The following SRBD1 variants were observed in gnomAD, a reference collection of about 807,000 sequenced individuals.
SRBD1 encodes the protein S1 RNA-binding domain-containing protein 1.
In SRBD1, 88 loss-of-function variants were observed where a neutral mutation model predicts 115.3. That is an observed-to-expected ratio of 0.76 (90% CI 0.64 to 0.91). SRBD1 has a LOEUF of 0.91. SRBD1 is among the 40% of genes least tolerant of loss of function. SRBD1 has a pLI of 0.00. For missense variants in SRBD1, 1,385 were observed against 1,177.4 expected, an observed-to-expected ratio of 1.18 and a Z score of -2.58; for synonymous variants, 509 against 407.7, an observed-to-expected ratio of 1.25 and a Z score of -2.99.
chr2:45,413,983 G>C (rs1304516331), intron 18 of SRBD1, among the ~76,000 whole-genome samples: 1 of 151,940 alleles, frequency 6.6e-6, no homozygotes, highest in Non-Finnish European at 1.5e-5. Context: ...ACATATCATG[G>C]ATAAACTTTA....
At chr2:45,545,233 T>C (rs561681127) in intron 14 of SRBD1, among the ~76,000 whole-genome samples, 34 of 140,334 alleles carry the variant, frequency 2.4e-4, no homozygotes, top group East Asian at 8.5e-4. Context: ...TGAGCCAAGA[T>C]TGTGCCACTG....
At chr2:45,564,810 C>T (rs1672776433) in intron 9 of SRBD1, among the ~76,000 whole-genome samples, 2 of 151,986 alleles carry the variant, frequency 1.3e-5, no homozygotes, top group Admixed American at 1.3e-4. Flanking sequence ...GATCTGAAAC[C>T]CACGCATAAG....
chr2:45,398,681 C>T (rs1018689843), intron 19 of SRBD1, among the ~76,000 whole-genome samples: 6 of 151,992 alleles, frequency 3.9e-5, no homozygotes, highest in South Asian at 2.1e-4. Flanking sequence ...TAAAAAGTCC[C>T]GAGATAGAAA....
intron 14 of SRBD1, among the ~76,000 whole-genome samples, chr2:45,512,714 A>T (rs563299156): frequency 6.6e-6 from 1 of 152,290 alleles, no homozygotes; most frequent in East Asian, 1.9e-4. Context: ...GGAACTACAA[A>T]GTTAAATTTT....
At chr2:45,595,054 A>G (rs907329448) in intron 4 of SRBD1, among the ~76,000 whole-genome samples, 3 of 152,234 alleles carry the variant, frequency 2.0e-5, no homozygotes, top group African/African-American at 7.2e-5. Flanking sequence ...TGCTTAATTC[A>G]TTAGAACACT....
intron 12 of SRBD1, among the ~76,000 whole-genome samples, chr2:45,550,611 A>G (rs1672266354): frequency 6.6e-6 from 1 of 152,180 alleles, no homozygotes; most frequent in Non-Finnish European, 1.5e-5. Flanking sequence ...GTTTTCAGAC[A>G]AACTAAAACT....
At chr2:45,401,562 G>A (rs1330684516) in intron 19 of SRBD1, among the ~76,000 whole-genome samples, 1 of 152,128 alleles carries the variant, frequency 6.6e-6, no homozygotes, top group Non-Finnish European at 1.5e-5. Context: ...AATCTCTTAG[G>A]TCTGTTTACC....
intron 14 of SRBD1, among the ~76,000 whole-genome samples, chr2:45,514,981 G>T (rs1384725404): frequency 1.3e-5 from 2 of 152,048 alleles, no homozygotes; most frequent in Non-Finnish European, 2.9e-5. Flanking sequence ...TTTAATCACT[G>T]GATGTCACTT....
chr2:45,553,935 A>G (rs543871640), intron 10 of SRBD1, among the ~76,000 whole-genome samples: 22 of 152,322 alleles, frequency 1.4e-4, no homozygotes, highest in African/African-American at 5.1e-4. Flanking sequence ...CCTAGTAACT[A>G]TCTATGGTCA....
At chr2:45,476,607 A>G (rs73925677) in intron 16 of SRBD1, among the ~76,000 whole-genome samples, 7,506 of 152,246 alleles carry the variant, frequency 0.049, 562 homozygotes, top group African/African-American at 0.16. Flanking sequence ...CTAATCACAC[A>G]TAAGATCTAC....
chr2:45,546,982 A>T (rs2104033274), intron 13 of SRBD1, 143 bp from the exon 14 acceptor site: 1 of 733,822 alleles, frequency 1.4e-6, no homozygotes, highest in Non-Finnish European at 2.3e-6. Context: ...CTGTTGCATA[A>T]GGAAAACACA....
chr2:45,478,272 C>G (rs938888554), intron 15 of SRBD1, among the ~76,000 whole-genome samples: 1 of 152,146 alleles, frequency 6.6e-6, no homozygotes, highest in African/African-American at 2.4e-5. Context: ...TGTTCAAGGT[C>G]TGGAAACAAA....
intron 1 of SRBD1, among the ~76,000 whole-genome samples, chr2:45,605,881 G>A (rs1337976797): frequency 2.1e-5 from 3 of 145,672 alleles, no homozygotes; most frequent in African/African-American, 5.1e-5. Flanking sequence ...TCCAGCCTGG[G>A]CAACAGAGTG....
chr2:45,419,345 A>T (rs1667929945), intron 17 of SRBD1, among the ~76,000 whole-genome samples: 1 of 152,216 alleles, frequency 6.6e-6, no homozygotes, highest in Non-Finnish European at 1.5e-5. Context: ...AGTATGATAA[A>T]AATTTTGACA....
intron 14 of SRBD1, among the ~76,000 whole-genome samples, chr2:45,528,691 G>T (rs1165590040): frequency 6.6e-6 from 1 of 151,816 alleles, no homozygotes; most frequent in Non-Finnish European, 1.5e-5. Flanking sequence ...TGGATGAAGA[G>T]ATTATCAAGG....
intron 14 of SRBD1, among the ~76,000 whole-genome samples, chr2:45,509,392 C>T (rs1337226938): frequency 1.3e-5 from 2 of 152,088 alleles, no homozygotes; most frequent in South Asian, 2.1e-4. Context: ...GTCAGGAGAT[C>T]GAGACCATCC....
At chr2:45,490,028 T>A (rs1031050781) in intron 14 of SRBD1, among the ~76,000 whole-genome samples, 2 of 152,006 alleles carry the variant, frequency 1.3e-5, no homozygotes. Context: ...CATACAGGAG[T>A]CAAATACGTT....
At chr2:45,608,812 GA>G (rs202242042) in intron 1 of SRBD1, among the ~76,000 whole-genome samples, 18 of 148,088 alleles carry the variant, frequency 1.2e-4, no homozygotes, top group Admixed American at 6.7e-4. Flanking sequence ...CCAGAACCTT[GA>G]AAAAAAAAAT....
intron 16 of SRBD1, among the ~76,000 whole-genome samples, chr2:45,431,940 A>G (rs886233807): frequency 2.6e-5 from 4 of 152,166 alleles, no homozygotes; most frequent in Admixed American, 6.5e-5. Flanking sequence ...GTCAGCTGTA[A>G]ATATAAACTT....
Sources: allele counts gnomAD v4.1 joint callset (sites outside exome capture counted in the v4.1 genomes callset), GRCh38; gene constraint gnomAD v4.1.1; transcripts MANE v1.5; gene names NCBI Gene and HGNC (gene_info 2026-07-23, HGNC 2026-07-21).